Variants in SLC12A1 observed in about 807,000 individuals in gnomAD.
SLC12A1 encodes Na-K-2Cl cotransporter.
In SLC12A1, 89 loss-of-function variants were observed where a neutral mutation model predicts 130.4. The ratio of observed to expected loss-of-function variants is 0.68; its 90% confidence interval spans 0.58 to 0.81. SLC12A1 has a LOEUF of 0.81. Among genes scored for constraint, SLC12A1 ranks in the 40% least tolerant of loss-of-function variants. SLC12A1 has a pLI of 0.00. For synonymous variants in SLC12A1, 499 were observed against 460.0 expected (o/e 1.08, Z -1.09); for missense variants, 1,310 against 1,336.4 (o/e 0.98, Z 0.31).
intron 21 of SLC12A1, among the ~76,000 whole-genome samples, chr15:48,287,516 C>T (rs561589876): frequency 1.3e-5 from 2 of 152,264 alleles, no homozygotes; most frequent in South Asian, 2.1e-4. Context: ...CAGTCCCTGG[C>T]AAATTTTATA....
At chr15:48,262,745 T>C (rs2041789946) in intron 17 of SLC12A1, among the ~76,000 whole-genome samples, 1 of 152,188 alleles carries the variant, frequency 6.6e-6, no homozygotes, top group African/African-American at 2.4e-5. Flanking sequence ...ATGTGGGTCA[T>C]TTGTTCTTTT....
chr15:48,220,126 A>AGATAGATAGATAG (rs1160325480), intron 2 of SLC12A1, among the ~76,000 whole-genome samples: 4 of 43,208 alleles, frequency 9.3e-5, no homozygotes, highest in East Asian at 8.2e-4. Context: ...AAAAAAAAAA[A>AGATAGATAGATAG]AAAGGTAGAT....
Position 48,274,647 on chromosome 15 carries a change from G to T in SLC12A1, c.2479G>T (p.Val827Leu). 1.2e-6 allele frequency: 2 copies of T among 1,608,968 alleles called. No homozygotes were observed. The highest frequency in any genetic ancestry group is 1.1e-5 in the South Asian group (1 of 90,864). The stretch of plus-strand genomic sequence containing the variant: ...ATTTGACATCTCTCAGGTTCTTCAG[G>T]TGCAAGGTATGTACTTTCTTTATTC... ...QGFDISQVLQ[V>L]QEELERLEQE... The change falls in exon 20 of 27, where the codon GTG becomes TTG. Residue 827 changes from valine (V) to leucine (L), a missense_variant. By Grantham distance (32) the Val-to-Leu change is conservative. Transcript: ENST00000380993.
At chr15:48,241,404 C>T (rs2041514012) in intron 9 of SLC12A1, 111 bp from the exon 10 acceptor site, 3 of 834,002 alleles carry the variant, frequency 3.6e-6, no homozygotes, top group Non-Finnish European at 6.2e-6. Flanking sequence ...TTTCTTAGAA[C>T]TTGCCTCAGG....
At chr15:48,295,896 C>T (rs980942729) in intron 24 of SLC12A1, among the ~76,000 whole-genome samples, 4 of 152,124 alleles carry the variant, frequency 2.6e-5, no homozygotes, top group Admixed American at 2.6e-4. Context: ...TGAAAGTAAC[C>T]CTAATGTAGA....
intron 25 of SLC12A1, among the ~76,000 whole-genome samples, chr15:48,299,687 T>G (rs181363217): frequency 2.6e-5 from 4 of 152,312 alleles, no homozygotes; most frequent in African/African-American, 9.6e-5. Flanking sequence ...GAAAAACTTA[T>G]AAAGGCATCT....
chr15:48,260,772 C>T (rs2041766232), intron 17 of SLC12A1, among the ~76,000 whole-genome samples: 1 of 152,202 alleles, frequency 6.6e-6, no homozygotes, highest in Admixed American at 6.5e-5. Flanking sequence ...AGTCAGGTGA[C>T]TTTAGAACCA....
At chr15:48,216,232 C>G (rs189446250) in intron 2 of SLC12A1, among the ~76,000 whole-genome samples, 69 of 152,288 alleles carry the variant, frequency 4.5e-4, no homozygotes, top group African/African-American at 1.6e-3. Flanking sequence ...GTCATCCTCT[C>G]ATAGAATATT....
intron 24 of SLC12A1, among the ~76,000 whole-genome samples, chr15:48,294,284 G>C (rs1566859819): frequency 6.7e-6 from 1 of 148,406 alleles, no homozygotes; most frequent in African/African-American, 2.5e-5. Flanking sequence ...GGAGACAGAG[G>C]TTGCAGTGAG....
At chr15:48,263,677 CTTTATT>C (rs1021853279) in intron 17 of SLC12A1, among the ~76,000 whole-genome samples, 3 of 151,434 alleles carry the variant, frequency 2.0e-5, no homozygotes, top group Non-Finnish European at 2.9e-5. Flanking sequence ...CTTCTACTCA[CTTTATT>C]TTTATTTATT....
rs955830877 is a variant in SLC12A1, at chr15:48,242,972, G to A, written c.1300+1373G>A. Among the ~76,000 whole-genome samples the A allele has an allele frequency of 2.2e-4, 34 of 151,972 alleles. 1 individual carries two copies. Among genetic ancestry groups the A allele is most frequent in the African/African-American group, 8.0e-4 (33 of 41,382 alleles). On this transcript the variant is annotated intron_variant, in intron 10 of 26. Transcript: ENST00000380993. ...TGGTTTTCTTTTTTCTACAGTTAAA[G>A]TGAGAGAATGAGTAAAGGTATAGAC...
intron 2 of SLC12A1, among the ~76,000 whole-genome samples, chr15:48,215,363 AC>A (rs1226530166): frequency 2.0e-5 from 3 of 152,160 alleles, no homozygotes; most frequent in Admixed American, 6.5e-5. Flanking sequence ...ACTTTATTTT[AC>A]TTTTCCTGAA....
rs760703327 is a variant in SLC12A1, at chr15:48,291,763, CT to C, written c.2874-11del. On this transcript the variant is annotated splice_polypyrimidine_tract_variant and intron_variant, in intron 23 of 26. Coordinates refer to ENST00000380993, the MANE Select transcript of SLC12A1 (RefSeq NM_000338.3). ...AAATATGCAATGATGAAGTATTTTCCTTTTATATTTTCAGAATGGCTTCCCT... is the reference window on the plus strand; with the variant it reads ...AAATATGCAATGATGAAGTATTTTCCTTTATATTTTCAGAATGGCTTCCCT... The C allele has an allele frequency of 2.6e-5, 39 of 1,500,816 alleles. No homozygotes were observed. The highest frequency in any genetic ancestry group is 3.5e-5 in the Non-Finnish European group (38 of 1,101,378). The allele number at this position is 1,500,816 out of a possible 1,614,324, so 93.0% of individuals were successfully genotyped here.
chr15:48,256,820 T>A (rs2041712311), intron 16 of SLC12A1, among the ~76,000 whole-genome samples: 1 of 89,988 alleles, frequency 1.1e-5, no homozygotes, highest in Non-Finnish European at 2.1e-5. Context: ...ATTCCATCCC[T>A]GGCCCCCCCC....
rs2042094925 is a variant in SLC12A1 at position 48,289,417 on chromosome 15, AT to A, written c.2873+902del. 3.7e-5 allele frequency among the ~76,000 whole-genome samples: 5 copies of A among 134,926 alleles called. 1 individual carries two copies. Among genetic ancestry groups the A allele is most frequent in the Non-Finnish European group, 6.2e-5 (4 of 64,652 alleles). The allele number at this position is 134,926 out of a possible 152,430, so 88.5% of individuals were successfully genotyped here. On this transcript the variant is annotated intron_variant, in intron 23 of 26. Transcript: ENST00000380993. ...GACATATATATATATATATATATATATATATATATATAATGTATAACTATGT... is the reference window on the plus strand; with the variant it reads ...GACATATATATATATATATATATATAATATATATATAATGTATAACTATGT...
chr15:48,220,883 T>C (rs2041204128), intron 3 of SLC12A1, 38 bp from the exon 4 acceptor site: 1 of 1,612,924 alleles, frequency 6.2e-7, no homozygotes, highest in Non-Finnish European at 8.5e-7. Flanking sequence ...CCCACTATCG[T>C]TTGTCCTGTC....
Position 48,220,725 on chromosome 15 carries a change from A to T in SLC12A1, c.512A>T (p.Gln171Leu). Reference sequence around the variant, plus strand: ...CAAGCTGAAAATAAGGAAGATGATCAAGCTGGTGTTGTGAAGTTTGGATGG... The same window carrying T: ...CAAGCTGAAAATAAGGAAGATGATCTAGCTGGTGTTGTGAAGTTTGGATGG... ...DEQAENKEDDQAGVVKFGWVK... is the reference protein window; with the variant it reads ...DEQAENKEDDLAGVVKFGWVK... Residue 171 changes from glutamine to leucine, a missense_variant, in exon 3 of 27, where the codon CAA (glutamine) becomes CTA (leucine). By Grantham distance (113) the Gln-to-Leu change is moderately radical. Coordinates refer to ENST00000380993, the MANE Select transcript of SLC12A1 (RefSeq NM_000338.3). 1.2e-6 allele frequency: 2 copies of T among 1,613,962 alleles called. No individual in the cohort carries two copies. Among genetic ancestry groups the T allele is most frequent in the Non-Finnish European group, 1.7e-6 (2 of 1,179,864 alleles).
At position 48,268,306 on chromosome 15, in the gene SLC12A1, T is replaced by C. The variant is rs35895457; in HGVS notation, c.2295+605T>C. 4.8e-3 allele frequency among the ~76,000 whole-genome samples: 737 copies of C among 152,298 alleles called. 8 individuals are homozygous for C. The highest frequency in any genetic ancestry group is 0.044 in the Middle Eastern group (13 of 294). On this transcript the variant is annotated intron_variant, in intron 18 of 26. Coordinates refer to ENST00000380993, the MANE Select transcript of SLC12A1 (RefSeq NM_000338.3). ...GCTATAGTAAGTACATAAAATCTTT[T>C]CCTAGTTCTGATCGTCATAATTTAG... is the stretch of plus-strand genomic sequence containing the variant.
rs535062715 is a variant in SLC12A1 at position 48,230,575 on chromosome 15, A to G, written c.975+72A>G. The stretch of plus-strand genomic sequence containing the variant: ...TGAACAAATTGCAGGAGTAGAGGGA[A>G]CTCCATATTCAAAAGGAATTGCTGT... On this transcript the variant is annotated intron_variant, in intron 7 of 26. Transcript: ENST00000380993. 73 of 918,626 alleles carry G rather than the reference A, an allele frequency of 7.9e-5. No homozygotes were observed. In the Admixed American group the frequency reaches 1.4e-3, roughly 18 times the overall value. The allele number at this position is 918,626 out of a possible 1,614,324, so 56.9% of individuals were successfully genotyped here.
Sources: gnomAD v4.1 joint callset for allele counts (sites outside exome capture counted in the v4.1 genomes callset) on GRCh38, gnomAD v4.1.1 for gene constraint, MANE v1.5 for transcripts, NCBI Gene and HGNC (gene_info 2026-07-23, HGNC 2026-07-21) for gene names.